Variants in VGLL4 observed in about 807,000 individuals in gnomAD.
VGLL4 encodes the protein vestigial like family member 4, also known as transcription cofactor vestigial-like protein 4.
VGLL4 carries 7 observed loss-of-function variants against 21.0 expected under a neutral mutation model. The ratio of observed to expected loss-of-function variants is 0.33; its 90% CI spans 0.19 to 0.63. The LOEUF (loss-of-function observed/expected upper bound fraction) is 0.63. Ranked by LOEUF, VGLL4 falls within the 20% of genes least tolerant of loss-of-function variation. The probability of loss-of-function intolerance (pLI) is 0.78; values close to 1 mark genes in which losing one functional copy is unlikely to be tolerated. For missense variants in VGLL4, 394 were observed against 425.7 expected (o/e 0.93, Z 0.66); for synonymous variants, 222 against 173.2 (o/e 1.28, Z -2.21).
intron 2 of VGLL4, among the ~76,000 whole-genome samples, chr3:11,694,212 A>G (rs893545951): frequency 9.2e-5 from 14 of 152,232 alleles, no homozygotes; most frequent in Admixed American, 2.6e-4. Context: ...TTGTTATTTC[A>G]TGGAGAATCT....
At chr3:11,560,940 G>C (rs2072932125) in intron 3 of VGLL4, among the ~76,000 whole-genome samples, 1 of 152,162 alleles carries the variant, frequency 6.6e-6, no homozygotes, top group Admixed American at 6.5e-5. Context: ...GGGACCGACA[G>C]ATGAGGCCTG....
intron 2 of VGLL4, among the ~76,000 whole-genome samples, chr3:11,574,474 T>C (rs956739815): frequency 6.6e-6 from 1 of 151,646 alleles, no homozygotes; most frequent in Admixed American, 6.6e-5. Context: ...AAGCTGAGAG[T>C]TCCAGAGGCT....
At position 11,601,881 on chromosome 3, in the gene VGLL4, C is replaced by G; in HGVS notation, c.224G>C (p.Cys75Ser). The G allele has an allele frequency of 6.2e-7, 1 of 1,613,792 alleles. No homozygotes were observed. Among genetic ancestry groups the G allele is most frequent in the South Asian group, 1.1e-5 (1 of 91,028 alleles). Residue 75 changes from cysteine (C) to serine (S), a missense_variant, in exon 2 of 5, where the codon TGT (cysteine) becomes TCT (serine). Cys to Ser is a moderately radical substitution (Grantham distance 112, BLOSUM62 -1). Transcript: ENST00000430365. The stretch of plus-strand genomic sequence containing the variant: ...CATTTTGGAGACGTGGTCGTTGTCA[C>G]AGTCTAGGTCCTCGTCACCTGGCTC... ...SMEPGDEDLD[C>S]DNDHVSKMSR...
chr3:11,563,081 G>C (rs1174746499), intron 3 of VGLL4, among the ~76,000 whole-genome samples: 2 of 152,364 alleles, frequency 1.3e-5, no homozygotes, highest in Non-Finnish European at 1.5e-5. Flanking sequence ...CAAGAGCCCT[G>C]AAGAGTCAAG....
intron 1 of VGLL4, among the ~76,000 whole-genome samples, chr3:11,714,735 T>G (rs1409755966): frequency 6.6e-6 from 1 of 152,198 alleles, no homozygotes; most frequent in Non-Finnish European, 1.5e-5. Context: ...GCTCTTGCAT[T>G]TATTTGAAGA....
intron 2 of VGLL4, among the ~76,000 whole-genome samples, chr3:11,594,798 T>TA (rs1430750437): frequency 1.3e-5 from 2 of 152,092 alleles, no homozygotes; most frequent in East Asian, 3.9e-4. Context: ...ATGCAGGTAA[T>TA]AGAGTGCCAC....
In VGLL4 at chr3:11,565,337, G is replaced by A. The variant is rs1035819981; in HGVS notation, c.273-318C>T. 1.3e-5 allele frequency among the ~76,000 whole-genome samples: 2 copies of A among 152,168 alleles called. No individual in the cohort carries two copies. The highest frequency in any genetic ancestry group is 4.8e-5 in the African/African-American group (2 of 41,436). ...CACTCCCTGGGAGCCTGGGGAGCTG[G>A]AGGCCAAGCTGGTTCGATAAGGACC... On this transcript the variant is annotated intron_variant, in intron 2 of 4. Transcript: ENST00000430365. This position sits in a 1 kb window ranked among gnomAD's most constrained non-coding sequence, Gnocchi z 4.1.
At chr3:11,679,739 G>A (rs1395050411) in intron 2 of VGLL4, among the ~76,000 whole-genome samples, 2 of 152,062 alleles carry the variant, frequency 1.3e-5, no homozygotes, top group East Asian at 3.9e-4. Flanking sequence ...AAGTATTTTT[G>A]TTCAGCTGTA....
chr3:11,704,383 C>CAAAAAA lies in VGLL4; in HGVS notation c.-13-1342_-13-1337dup, dbSNP rs57593843. 1.2e-4 allele frequency among the ~76,000 whole-genome samples: 8 copies of CAAAAAA among 69,140 alleles called. 1 individual carries two copies. The highest frequency in any genetic ancestry group is 3.8e-4 in the East Asian group (1 of 2,664). 45.4% of individuals were successfully genotyped at this position (69,140 alleles called of 152,430 possible). The stretch of plus-strand genomic sequence containing the variant: ...GGGCAACAAAAGGGAAACTCCGTCT[C>CAAAAAA]AAAAAAAAAAAAAAAAAAAAAAGAA... On this transcript the variant is annotated intron_variant, in intron 1 of 5. Coordinates refer to the VGLL4 transcript ENST00000273038.
intron 1 of VGLL4, among the ~76,000 whole-genome samples, chr3:11,642,237 C>A (rs186001815): frequency 1.2e-3 from 188 of 152,162 alleles, no homozygotes; most frequent in African/African-American, 4.4e-3. Flanking sequence ...AAAACAAATA[C>A]TCTTTTTAAA....
chr3:11,626,552 C>A, intron 1 of VGLL4: 4 of 395,344 alleles, frequency 1.0e-5, no homozygotes, highest in Non-Finnish European at 2.0e-5. Context: ...CATGACTATT[C>A]CCTGAACAGT....
chr3:11,600,599 GATTT>G (rs2074770407), intron 2 of VGLL4, among the ~76,000 whole-genome samples: 1 of 152,110 alleles, frequency 6.6e-6, no homozygotes, highest in Non-Finnish European at 1.5e-5. Context: ...ACACTGCAGT[GATTT>G]ATTTGAGGAT....
At position 11,674,572 on chromosome 3, in the gene VGLL4, T is replaced by C. The variant is rs73813005; in HGVS notation, c.64+28399A>G. 2.9e-3 allele frequency among the ~76,000 whole-genome samples: 444 copies of C among 152,202 alleles called. 4 individuals are homozygous for C. Among genetic ancestry groups the C allele is most frequent in the African/African-American group, 0.01 (421 of 41,526 alleles). ...GTCACACAGCTTTACATGGCAGAGATGAAAATTCAAACCCAGGCCTGCCAC... is the reference window on the plus strand; with the variant it reads ...GTCACACAGCTTTACATGGCAGAGACGAAAATTCAAACCCAGGCCTGCCAC... On this transcript the variant is annotated intron_variant, in intron 2 of 5. Transcript: ENST00000273038.
At chr3:11,581,874 A>T (rs2074238079) in intron 2 of VGLL4, among the ~76,000 whole-genome samples, 1 of 152,228 alleles carries the variant, frequency 6.6e-6, no homozygotes, top group African/African-American at 2.4e-5. Context: ...GTACTCCCCG[A>T]ATCAGCAGCC....
At chr3:11,585,473 A>C (rs1246629123) in intron 2 of VGLL4, among the ~76,000 whole-genome samples, 1 of 151,810 alleles carries the variant, frequency 6.6e-6, no homozygotes, top group Non-Finnish European at 1.5e-5. Context: ...GAGAGACTTC[A>C]ATGGAGCCTT....
intron 2 of VGLL4, among the ~76,000 whole-genome samples, chr3:11,652,429 T>G (rs896590154): frequency 6.6e-6 from 1 of 152,190 alleles, no homozygotes; most frequent in Non-Finnish European, 1.5e-5. Context: ...TTTGTTTTTT[T>G]GTTTTTTTGA....
chr3:11,556,764 A>AAAATCACCCATATAG lies in VGLL4; in HGVS notation c.*1777_*1791dup. The AAAATCACCCATATAG allele has an allele frequency of 6.7e-6, 1 of 148,938 alleles. No individual in the cohort carries two copies. The highest frequency in any genetic ancestry group is 1.5e-5 in the Non-Finnish European group (1 of 68,012). 9.2% of individuals were successfully genotyped at this position (148,938 alleles called of 1,614,324 possible). ...TTACGCACAGCGTAACGATGGTCTC[A>AAAATCACCCATATAG]AAATCACCCATATAGAAAAGTGTTC... is the stretch of plus-strand genomic sequence containing the variant. On this transcript the variant is annotated 3_prime_UTR_variant, in exon 5 of 5. Transcript: ENST00000430365.
intron 2 of VGLL4, among the ~76,000 whole-genome samples, chr3:11,687,996 A>G (rs1490316093): frequency 6.6e-6 from 1 of 152,138 alleles, no homozygotes; most frequent in Admixed American, 6.5e-5. Flanking sequence ...TTTTATCACA[A>G]ATAGGTGCCG....
chr3:11,699,931 A>G (rs757225754), intron 2 of VGLL4, among the ~76,000 whole-genome samples: 1 of 152,200 alleles, frequency 6.6e-6, no homozygotes, highest in Non-Finnish European at 1.5e-5. Context: ...TTCAACACAG[A>G]AGGAAAGTAA....
Sources: allele counts gnomAD v4.1 joint callset (sites outside exome capture counted in the v4.1 genomes callset), GRCh38; gene constraint gnomAD v4.1.1; non-coding constraint Gnocchi (gnomAD v3.1); transcripts MANE v1.5; gene names NCBI Gene and HGNC (gene_info 2026-07-23, HGNC 2026-07-21).